GALNT13: variants seen among roughly 807,000 people sequenced by gnomAD.
GALNT13 encodes UDP-GalNAc:polypeptide N-acetylgalactosaminyltransferase 13.
A neutral mutation model predicts 64.2 loss-of-function variants in GALNT13; 28 were observed. The observed-to-expected ratio is 0.44, with a 90% CI of 0.32 to 0.60. The LOEUF is 0.60. Among genes scored for constraint, GALNT13 ranks in the 20% least tolerant of loss-of-function variants. The probability of loss-of-function intolerance (pLI) is 0.05; values close to 1 mark genes in which losing one functional copy is unlikely to be tolerated. For missense variants in GALNT13, 577 were observed against 669.8 expected (o/e 0.86, Z 1.53); for synonymous variants, 214 against 224.6 (o/e 0.95, Z 0.42).
the GALNT13 span, among the ~76,000 whole-genome samples, chr2:153,552,037 G>C: frequency 2.0e-5 from 3 of 152,146 alleles, no homozygotes; most frequent in Non-Finnish European, 4.4e-5. Flanking sequence ...TGTCCTGAGG[G>C]CCAAACAAAT....
the GALNT13 span, among the ~76,000 whole-genome samples, chr2:153,687,567 T>C: frequency 6.6e-6 from 1 of 151,948 alleles, no homozygotes; most frequent in Admixed American, 6.6e-5. Flanking sequence ...AGCATTTAAT[T>C]TCTTTTCCAC....
At chr2:153,100,123 A>C in the GALNT13 span, among the ~76,000 whole-genome samples, 1 of 152,250 alleles carries the variant, frequency 6.6e-6, no homozygotes, top group Non-Finnish European at 1.5e-5. Flanking sequence ...TGGTTTCTCA[A>C]AGTAAGTTCT....
the GALNT13 span, among the ~76,000 whole-genome samples, chr2:153,703,109 C>T: frequency 6.6e-6 from 1 of 152,020 alleles, no homozygotes; most frequent in Middle Eastern, 3.2e-3. Flanking sequence ...TAATATGAGG[C>T]TTGGGAATTG....
At chr2:153,695,691 A>G in the GALNT13 span, among the ~76,000 whole-genome samples, 1 of 151,678 alleles carries the variant, frequency 6.6e-6, no homozygotes, top group African/African-American at 2.4e-5. Flanking sequence ...TGTTGATTTA[A>G]TCTATAGATT....
the GALNT13 span, among the ~76,000 whole-genome samples, chr2:153,851,816 C>A: frequency 1.3e-5 from 2 of 152,144 alleles, 1 homozygote; most frequent in African/African-American, 4.8e-5. Flanking sequence ...TAAAAAAACT[C>A]TTAAGATCAT....
the GALNT13 span, among the ~76,000 whole-genome samples, chr2:153,173,664 T>C: frequency 1.3e-5 from 2 of 151,954 alleles, no homozygotes; most frequent in Admixed American, 6.5e-5. Context: ...CAAATGTATG[T>C]CTTTCCCATG....
At chr2:153,332,953 C>A in the GALNT13 span, among the ~76,000 whole-genome samples, 1 of 152,192 alleles carries the variant, frequency 6.6e-6, no homozygotes, top group Non-Finnish European at 1.5e-5. Context: ...GGAGACACTG[C>A]AGCTATAGCA....
chr2:154,368,919 A>G (rs1216384134), intron 9 of GALNT13, among the ~76,000 whole-genome samples: 1 of 152,104 alleles, frequency 6.6e-6, no homozygotes, highest in African/African-American at 2.4e-5. Flanking sequence ...TGCTGGCCTT[A>G]AACCACAAGT....
At chr2:154,004,380 AT>A (rs1331540524) in intron 3 of GALNT13, among the ~76,000 whole-genome samples, 10 of 151,966 alleles carry the variant, frequency 6.6e-5, no homozygotes, top group South Asian at 6.2e-4. Flanking sequence ...TAATTTTTGT[AT>A]TTTTAGTAGA....
intron 8 of GALNT13, among the ~76,000 whole-genome samples, chr2:154,283,211 G>C (rs1039625863): frequency 1.3e-5 from 2 of 152,054 alleles, no homozygotes; most frequent in African/African-American, 4.8e-5. Context: ...TATACTGATA[G>C]GGATTTTTTT....
intron 10 of GALNT13, among the ~76,000 whole-genome samples, chr2:154,403,580 C>T (rs1330296613): frequency 2.0e-5 from 3 of 152,188 alleles, no homozygotes; most frequent in African/African-American, 7.2e-5. Context: ...GTCCTCCACA[C>T]TGCTTATCTC....
At chr2:153,741,669 A>C in the GALNT13 span, among the ~76,000 whole-genome samples, 1 of 151,262 alleles carries the variant, frequency 6.6e-6, no homozygotes, top group African/African-American at 2.4e-5. Context: ...TTGTATTTTT[A>C]TTTGTTTCTA....
At chr2:153,300,068 T>G in the GALNT13 span, among the ~76,000 whole-genome samples, 224 of 152,290 alleles carry the variant, frequency 1.5e-3, 7 homozygotes, top group East Asian at 0.038. Context: ...CCACAAGCTG[T>G]TAGGAAACAG....
At chr2:153,678,476 T>C in the GALNT13 span, among the ~76,000 whole-genome samples, 3 of 151,836 alleles carry the variant, frequency 2.0e-5, no homozygotes, top group Admixed American at 1.3e-4. Flanking sequence ...GAGCTAAACA[T>C]TGAGTACACA....
chr2:154,060,806 C>T lies in GALNT13; in HGVS notation c.143-79531C>T, dbSNP rs549936939. Among the ~76,000 whole-genome samples, 13 of 152,102 alleles carry T rather than the reference C, an allele frequency of 8.5e-5. No individual in the cohort carries two copies. The South Asian group carries it at 2.7e-3, about 32-fold the overall frequency. On this transcript the variant is annotated intron_variant, in intron 3 of 12. Transcript: ENST00000392825. ...CTGCTTGCATTTTTAATTGACTAAACACAAGAAAGTATATTAGGAAAGGGA... is the reference window on the plus strand; with the variant it reads ...CTGCTTGCATTTTTAATTGACTAAATACAAGAAAGTATATTAGGAAAGGGA...
intron 3 of GALNT13, among the ~76,000 whole-genome samples, chr2:153,983,868 T>G (rs1394263375): frequency 6.6e-6 from 1 of 151,966 alleles, no homozygotes; most frequent in Non-Finnish European, 1.5e-5. Flanking sequence ...TTCTTCCTTC[T>G]GGAGAAAATA....
At chr2:153,879,000 A>G (rs10186863) in intron 1 of GALNT13, among the ~76,000 whole-genome samples, 36,957 of 152,166 alleles carry the variant, frequency 0.24, 4,778 homozygotes, top group Non-Finnish European at 0.28. Flanking sequence ...TTCAGGTCCC[A>G]CTGATACAGA....
At chr2:154,405,213 A>G (rs996017870) in intron 10 of GALNT13, among the ~76,000 whole-genome samples, 16 of 152,156 alleles carry the variant, frequency 1.1e-4, no homozygotes, top group South Asian at 2.1e-4. Context: ...ATAATGCAGG[A>G]AAGAATTAGA....
chr2:154,242,887 C>T lies in GALNT13; in HGVS notation c.668C>T (p.Ala223Val). 1 of 1,613,954 alleles carries T rather than the reference C, an allele frequency of 6.2e-7. No homozygotes were observed. The highest frequency in any genetic ancestry group is 1.1e-5 in the South Asian group (1 of 91,070). Reference protein sequence around the residue: ...CTLGWLEPLLARIKEDRKTVV... With the variant: ...CTLGWLEPLLVRIKEDRKTVV... ...TTAGGATGGCTGGAGCCTTTGCTGG[C>T]AAGAATAAAGGAAGACAGGTAAGAA... Residue 223 changes from alanine (A) to valine (V), a missense_variant, in exon 6 of 13, where the codon GCA becomes GTA. Around this residue, in one of 3 missense-constraint regions of GALNT13, gnomAD observed 341 missense variants for 379.3 expected, o/e 0.90. Coordinates refer to ENST00000392825, the MANE Select transcript of GALNT13 (RefSeq NM_052917.4).
Sources: allele counts gnomAD v4.1 joint callset (sites outside exome capture counted in the v4.1 genomes callset), GRCh38; gene constraint gnomAD v4.1.1; regional missense constraint gnomAD v4.1.1; transcripts MANE v1.5; gene names NCBI Gene and HGNC (gene_info 2026-07-23, HGNC 2026-07-21).